ITGA8: variants seen among roughly 807,000 people sequenced by gnomAD.
ITGA8 encodes the protein integrin alpha-8.
Under a neutral mutation model 142.3 loss-of-function variants are expected in ITGA8, and 91 were observed. The ratio of observed to expected loss-of-function variants is 0.64; its 90% CI spans 0.54 to 0.76. The LOEUF is 0.76. ITGA8 is among the 30% of genes least tolerant of loss of function. The pLI, the probability that ITGA8 is intolerant of heterozygous loss-of-function variation, is 0.00. For synonymous variants in ITGA8, 505 were observed against 485.2 expected (o/e 1.04, Z -0.54); for missense variants, 1,406 against 1,327.7 (o/e 1.06, Z -0.92).
At chr10:15,672,864 A>T in intron 6 of ITGA8, 115 bp from the exon 7 acceptor site, 1 of 1,174,012 alleles carries the variant, frequency 8.5e-7, no homozygotes, top group Non-Finnish European at 1.2e-6. Context: ...TTTGATGATG[A>T]ATTTTCCCGC....
intron 11 of ITGA8, among the ~76,000 whole-genome samples, chr10:15,651,374 CTG>C (rs1009692840): frequency 1.3e-5 from 2 of 152,134 alleles, no homozygotes; most frequent in African/African-American, 4.8e-5. Flanking sequence ...ATTTTCAAAA[CTG>C]TCACAGGCTT....
intron 28 of ITGA8, among the ~76,000 whole-genome samples, chr10:15,522,171 G>A (rs77598558): frequency 6.6e-6 from 1 of 152,258 alleles, no homozygotes; most frequent in East Asian, 1.9e-4. Flanking sequence ...ATCACTATAC[G>A]TTATGTGCAC....
At chr10:15,621,661 G>C (rs1212327226) in intron 13 of ITGA8, among the ~76,000 whole-genome samples, 1 of 152,098 alleles carries the variant, frequency 6.6e-6, no homozygotes, top group Admixed American at 6.6e-5. Flanking sequence ...CCCTCCTAGG[G>C]AACGGTCAGG....
intron 26 of ITGA8, among the ~76,000 whole-genome samples, chr10:15,551,495 T>C (rs1225572618): frequency 6.6e-6 from 1 of 151,906 alleles, no homozygotes; most frequent in African/African-American, 2.4e-5. Flanking sequence ...AGCTGGGCAA[T>C]GAAACAGAAG....
intron 23 of ITGA8, among the ~76,000 whole-genome samples, chr10:15,579,171 G>A (rs1377286814): frequency 6.6e-6 from 1 of 152,034 alleles, no homozygotes; most frequent in East Asian, 1.9e-4. Flanking sequence ...CTGCATATTT[G>A]CAGGAAAGAG....
At chr10:15,527,385 A>G (rs571451895) in intron 28 of ITGA8, among the ~76,000 whole-genome samples, 1 of 152,354 alleles carries the variant, frequency 6.6e-6, no homozygotes, top group South Asian at 2.1e-4. Context: ...TTGGAATTAC[A>G]CAAGACACTC....
chr10:15,688,314 A>AAT, intron 2 of ITGA8, among the ~76,000 whole-genome samples: 1 of 150,936 alleles, frequency 6.6e-6, no homozygotes, highest in Non-Finnish European at 1.5e-5. Context: ...AAAAAAAAAA[A>AAT]AAAAAAAAAT....
intron 15 of ITGA8, among the ~76,000 whole-genome samples, chr10:15,611,158 C>A (rs1039883894): frequency 5.3e-5 from 8 of 152,024 alleles, no homozygotes; most frequent in Non-Finnish European, 8.8e-5. Flanking sequence ...CAACGGAGAC[C>A]TTTCAATCAT....
rs1262381515 is a variant in ITGA8, at chr10:15,548,569, C to T, written c.2767-1G>A. ...GTAAACACTCGATATTTGTACAATT[C>T]TGCAAACAGCAGTGGGAACACGTCA... On this transcript the variant is annotated splice_acceptor_variant, in intron 26 of 29. Transcript: ENST00000378076. LOFTEE classifies it high-confidence loss of function. 3.2e-5 allele frequency: 51 copies of T among 1,596,010 alleles called. No individual in the cohort carries two copies. The highest frequency in any genetic ancestry group is 4.3e-5 in the Non-Finnish European group (50 of 1,165,730).
At chr10:15,716,162 T>C (rs1835447606) in intron 2 of ITGA8, among the ~76,000 whole-genome samples, 1 of 152,230 alleles carries the variant, frequency 6.6e-6, no homozygotes, top group Admixed American at 6.5e-5. Flanking sequence ...CCTGCCTTGC[T>C]TTTTAAATTT....
chr10:15,531,280 C>T (rs1264088267), intron 27 of ITGA8, 129 bp from the exon 28 acceptor site: 3 of 482,856 alleles, frequency 6.2e-6, no homozygotes, highest in African/African-American at 4.1e-5. Flanking sequence ...TTAATTTTCT[C>T]TCTTTTAACT....
intron 15 of ITGA8, among the ~76,000 whole-genome samples, chr10:15,609,612 T>C (rs1833256632): frequency 6.6e-6 from 1 of 152,238 alleles, no homozygotes; most frequent in Admixed American, 6.5e-5. Context: ...TTGCTTCTGC[T>C]TCAATTAGAA....
rs1393731540 is a variant in ITGA8, at chr10:15,719,710, C to T, written c.62G>A (p.Cys21Tyr). 3 of 1,424,770 alleles carry T rather than the reference C, an allele frequency of 2.1e-6. No homozygotes were observed. Among genetic ancestry groups the T allele is most frequent in the Non-Finnish European group, 1.8e-6 (2 of 1,097,872 alleles). 88.3% of individuals were successfully genotyped at this position (1,424,770 alleles called of 1,614,324 possible). Residue 21 changes from cysteine to tyrosine, a missense_variant, in exon 1 of 30, where the codon TGC (cysteine) becomes TAC (tyrosine). Physicochemically the swap from Cys to Tyr is radical, Grantham distance 194. Transcript: ENST00000378076. ...CATCCCCAGCGCGGCCGCGGCGCAG[C>T]AGAGGGGCGCGATCAGCGGCGCCTG... The part of the protein sequence containing the change: ...GSQAPLIAPL[C>Y]CAAAALGMLL...
At chr10:15,614,575 G>A (rs1291144573) in intron 14 of ITGA8, among the ~76,000 whole-genome samples, 1 of 152,134 alleles carries the variant, frequency 6.6e-6, no homozygotes, top group African/African-American at 2.4e-5. Context: ...AAACAAAAAA[G>A]TATTAATAAA....
intron 27 of ITGA8, among the ~76,000 whole-genome samples, chr10:15,543,839 C>T (rs1349534): frequency 0.37 from 56,193 of 151,852 alleles, 11,132 homozygotes; most frequent in African/African-American, 0.51. Flanking sequence ...TGAGATGAGA[C>T]TGTACTGGGA....
At chr10:15,617,316 T>G (rs1456796957) in intron 13 of ITGA8, among the ~76,000 whole-genome samples, 1 of 151,788 alleles carries the variant, frequency 6.6e-6, no homozygotes, top group African/African-American at 2.4e-5. Context: ...ACTGGTTGAC[T>G]GCAGTGGAGC....
chr10:15,667,516 C>T (rs1432438172), intron 8 of ITGA8, among the ~76,000 whole-genome samples: 1 of 152,076 alleles, frequency 6.6e-6, no homozygotes, highest in Non-Finnish European at 1.5e-5. Context: ...GTCTCTATTT[C>T]CTTCAGTTCT....
At chr10:15,626,649 G>A (rs1022232308) in intron 13 of ITGA8, among the ~76,000 whole-genome samples, 12 of 152,162 alleles carry the variant, frequency 7.9e-5, no homozygotes, top group Admixed American at 3.3e-4. Context: ...CACTGCTTCA[G>A]TAGGGTCTTT....
At chr10:15,602,802 G>T (rs985942842) in intron 20 of ITGA8, among the ~76,000 whole-genome samples, 2 of 152,102 alleles carry the variant, frequency 1.3e-5, no homozygotes, top group South Asian at 4.1e-4. Context: ...AGAAATTAGG[G>T]TTTATACTGA....
Sources: allele counts gnomAD v4.1 joint callset (sites outside exome capture counted in the v4.1 genomes callset), GRCh38; gene constraint gnomAD v4.1.1; transcripts MANE v1.5; gene names NCBI Gene and HGNC (gene_info 2026-07-23, HGNC 2026-07-21).